Variants in EEPD1 observed in about 807,000 individuals in gnomAD.
EEPD1 encodes the protein endonuclease/exonuclease/phosphatase family domain-containing protein 1.
Under a neutral mutation model 46.3 loss-of-function variants are expected in EEPD1, and 17 were observed. That is an observed-to-expected ratio of 0.37 (90% confidence interval 0.25 to 0.55). The LOEUF (loss-of-function observed/expected upper bound fraction) is 0.55. Among genes scored for constraint, EEPD1 ranks in the 20% least tolerant of loss-of-function variants. The pLI, the probability that EEPD1 is intolerant of heterozygous loss-of-function variation, is 0.83. For synonymous variants in EEPD1, 313 were observed against 315.6 expected, an observed-to-expected ratio of 0.99 and a Z score of 0.09; for missense variants, 673 against 745.6, an observed-to-expected ratio of 0.90 and a Z score of 1.13.
chr7:36,271,199 G>C (rs1487029492), intron 3 of EEPD1, among the ~76,000 whole-genome samples: 1 of 151,894 alleles, frequency 6.6e-6, no homozygotes, highest in Non-Finnish European at 1.5e-5. Flanking sequence ...TGTTGGCCAG[G>C]CTGGTCTAGA....
At chr7:36,244,661 G>A (rs1786607272) in intron 3 of EEPD1, among the ~76,000 whole-genome samples, 1 of 152,038 alleles carries the variant, frequency 6.6e-6, no homozygotes, top group African/African-American at 2.4e-5. Context: ...TGCTGTGTCT[G>A]GCAGAGGATC....
chr7:36,247,117 C>T (rs1365320820), intron 3 of EEPD1, among the ~76,000 whole-genome samples: 13 of 112,854 alleles, frequency 1.2e-4, no homozygotes, highest in Non-Finnish European at 2.3e-4. Context: ...AGTGAGACTC[C>T]ATCTCAAAAA....
chr7:36,228,492 A>G (rs1230534166), intron 2 of EEPD1: 2 of 151,894 alleles, frequency 1.3e-5, no homozygotes, highest in African/African-American at 4.8e-5. Context: ...GTGCCACTGC[A>G]CTCCAGCCTG....
At chr7:36,157,502 G>C (rs1420243277) in intron 2 of EEPD1, among the ~76,000 whole-genome samples, 1 of 152,212 alleles carries the variant, frequency 6.6e-6, no homozygotes, top group African/African-American at 2.4e-5. Flanking sequence ...CTAGAGAGAT[G>C]ATGATTTGCT....
intron 3 of EEPD1, among the ~76,000 whole-genome samples, chr7:36,241,508 C>T (rs1224723341): frequency 6.6e-6 from 1 of 151,992 alleles, no homozygotes; most frequent in East Asian, 1.9e-4. Flanking sequence ...AACCATCAGA[C>T]AAAGCTAGCA....
chr7:36,292,461 T>C, intron 6 of EEPD1, among the ~76,000 whole-genome samples: 1 of 151,064 alleles, frequency 6.6e-6, no homozygotes, highest in Non-Finnish European at 1.5e-5. Flanking sequence ...CCCTCCCTCC[T>C]TGTCTTTCTC....
At chr7:36,245,198 T>G (rs1786618697) in intron 3 of EEPD1, among the ~76,000 whole-genome samples, 2 of 152,198 alleles carry the variant, frequency 1.3e-5, no homozygotes, top group Non-Finnish European at 2.9e-5. Context: ...TCCACCCACC[T>G]TGGTCTCCCA....
At chr7:36,222,741 G>A (rs990384974) in intron 2 of EEPD1, among the ~76,000 whole-genome samples, 17 of 152,130 alleles carry the variant, frequency 1.1e-4, no homozygotes, top group Admixed American at 3.9e-4. Context: ...ATCTTCTAGC[G>A]GGGTCCCCAC....
In EEPD1 at chr7:36,287,736, G is replaced by A. The variant is rs764669050; in HGVS notation, c.1274G>A (p.Arg425Gln). The A allele has an allele frequency of 5.5e-5, 88 of 1,614,042 alleles. No homozygotes were observed. Among genetic ancestry groups the A allele is most frequent in the Middle Eastern group, 1.6e-4 (1 of 6,084 alleles). ...AGCAAGAATCACAGTGATGGCCACC[G>A]GTTGGCGAGCTTTGCACAGACCCTA... ...NPSKNHSDGH[R>Q]LASFAQTLQE... Residue 425 changes from arginine (R) to glutamine (Q), a missense_variant, in exon 6 of 8, where the codon CGG becomes CAG. Physicochemically the swap from Arg to Gln is conservative, Grantham distance 43. Transcript: ENST00000242108.
At chr7:36,296,503 G>T (rs1420981460) in intron 6 of EEPD1, among the ~76,000 whole-genome samples, 1 of 152,072 alleles carries the variant, frequency 6.6e-6, no homozygotes, top group East Asian at 1.9e-4. Flanking sequence ...AGCCTTCCCT[G>T]ACCACCTTTC....
intron 6 of EEPD1, among the ~76,000 whole-genome samples, chr7:36,296,272 A>G (rs975886154): frequency 1.3e-5 from 2 of 152,106 alleles, no homozygotes; most frequent in African/African-American, 4.8e-5. Context: ...CCAATCGAGG[A>G]GTGGCTGCTG....
chr7:36,291,647 C>T (rs1226199946), intron 6 of EEPD1, among the ~76,000 whole-genome samples: 1 of 152,274 alleles, frequency 6.6e-6, no homozygotes, highest in African/African-American at 2.4e-5. Flanking sequence ...CTGCAATGCA[C>T]ATGCGCCCTC....
At chr7:36,241,518 A>G (rs1485494234) in intron 3 of EEPD1, among the ~76,000 whole-genome samples, 2 of 152,120 alleles carry the variant, frequency 1.3e-5, no homozygotes, top group Non-Finnish European at 2.9e-5. Flanking sequence ...CAAAGCTAGC[A>G]TATGTGGAGC....
At chr7:36,217,743 A>AC (rs1786053948) in intron 2 of EEPD1, among the ~76,000 whole-genome samples, 1 of 152,226 alleles carries the variant, frequency 6.6e-6, no homozygotes, top group Admixed American at 6.5e-5. Context: ...GGTTTGTGTT[A>AC]CAGGGAGAGA....
intron 2 of EEPD1, among the ~76,000 whole-genome samples, chr7:36,156,144 AT>A (rs1784821492): frequency 6.6e-6 from 1 of 152,090 alleles, no homozygotes; most frequent in Non-Finnish European, 1.5e-5. Context: ...CTACTCGTTG[AT>A]TTCCTTTGCA....
chr7:36,288,779 A>T (rs1238526352), intron 6 of EEPD1, among the ~76,000 whole-genome samples: 1 of 150,436 alleles, frequency 6.6e-6, no homozygotes, highest in Non-Finnish European at 1.5e-5. Context: ...AAAAAAAAAA[A>T]GGAGCTGAAC....
intron 2 of EEPD1, among the ~76,000 whole-genome samples, chr7:36,232,089 A>C (rs1786341810): frequency 6.6e-6 from 1 of 151,456 alleles, no homozygotes; most frequent in Admixed American, 6.6e-5. Flanking sequence ...CACTGCCCTC[A>C]TTTTGAAACA....
intron 2 of EEPD1, among the ~76,000 whole-genome samples, chr7:36,182,559 T>C (rs1785288201): frequency 6.6e-6 from 1 of 152,256 alleles, no homozygotes; most frequent in Admixed American, 6.5e-5. Context: ...AATAGCCTGA[T>C]CATTCTTTTG....
intron 3 of EEPD1, among the ~76,000 whole-genome samples, chr7:36,280,645 C>G (rs1315362590): frequency 3.9e-5 from 6 of 152,220 alleles, no homozygotes; most frequent in Admixed American, 3.9e-4. Context: ...AAGACAAGCA[C>G]TACGGTGGTT....
Sources: allele counts gnomAD v4.1 joint callset (sites outside exome capture counted in the v4.1 genomes callset), GRCh38; gene constraint gnomAD v4.1.1; transcripts MANE v1.5; gene names NCBI Gene and HGNC (gene_info 2026-07-23, HGNC 2026-07-21).